Variants in ZNF839 observed in about 807,000 individuals in gnomAD.
The protein encoded by ZNF839 is zinc finger protein 839, also known as renal carcinoma antigen NY-REN-50.
A neutral mutation model predicts 56.4 loss-of-function variants in ZNF839; 38 were observed. The observed-to-expected ratio is 0.67, with a 90% CI of 0.52 to 0.88. The LOEUF is 0.88. ZNF839 is among the 40% of genes least tolerant of loss of function. The pLI is 0.00. For synonymous variants in ZNF839, 486 were observed against 493.5 expected (o/e 0.98, Z 0.20); for missense variants, 1,091 against 1,177.6 (o/e 0.93, Z 1.08).
chr14:102,336,020 A>G (rs2073999094), intron 5 of ZNF839, among the ~76,000 whole-genome samples, 182 bp downstream of exon 5: 1 of 152,204 alleles, frequency 6.6e-6, no homozygotes, highest in African/African-American at 2.4e-5. Context: ...CTCTACTAAA[A>G]ATACAAAAAT....
intron 2 of ZNF839, among the ~76,000 whole-genome samples, chr14:102,329,590 C>T (rs942523981): frequency 1.6e-4 from 25 of 151,580 alleles, no homozygotes; most frequent in African/African-American, 5.3e-4. Context: ...TCGCCATATT[C>T]GCCAGGCTGG....
Position 102,326,824 on chromosome 14 carries a change from G to A in ZNF839, c.1128G>A (p.Ala376=), listed in dbSNP as rs759800898. The A allele has an allele frequency of 1.1e-4, 172 of 1,610,968 alleles. No homozygotes were observed. Among genetic ancestry groups the A allele is most frequent in the Admixed American group, 5.5e-4 (33 of 59,516 alleles). ...SLTSLGLSMP[A]DPCEGGARSC... ...CCTCCCTGGGGCTGTCCATGCCAGCGGATCCATGTGAGGGAGGGGCCCGCT... is the reference window on the plus strand; with the variant it reads ...CCTCCCTGGGGCTGTCCATGCCAGCAGATCCATGTGAGGGAGGGGCCCGCT... Residue 376 remains alanine (A), a synonymous_variant, in exon 2 of 8, where the codon GCG becomes GCA. Transcript: ENST00000442396. This position sits in a 1 kb window ranked among gnomAD's most constrained non-coding sequence, Gnocchi z 4.3.
At position 102,320,015 on chromosome 14, in the gene ZNF839, A is replaced by C. The variant is rs1004218244; in HGVS notation, c.250A>C (p.Thr84Pro). 2.6e-6 allele frequency: 3 copies of C among 1,167,984 alleles called. No individual in the cohort carries two copies. The highest frequency in any genetic ancestry group is 2.1e-6 in the Non-Finnish European group (2 of 948,384). 72.4% of individuals were successfully genotyped at this position (1,167,984 alleles called of 1,614,324 possible). Reference sequence around the variant, plus strand: ...GGCCGCCCTGCAGCGGGGCCGGGGCACCGAGCCCCCGCGCCTGCCGCGCCT... The same window carrying C: ...GGCCGCCCTGCAGCGGGGCCGGGGCCCCGAGCCCCCGCGCCTGCCGCGCCT... The part of the protein sequence containing the change: ...QQAALQRGRG[T>P]EPPRLPRLLP... Residue 84 changes from threonine (T) to proline (P), a missense_variant, in exon 1 of 8, where the codon ACC becomes CCC. Thr to Pro is a conservative substitution (Grantham distance 38, BLOSUM62 -1). This residue lies in a region of ZNF839 where 614 missense variants were observed against 629.2 expected (regional missense o/e 0.98). Transcript: ENST00000442396.
At chr14:102,337,129 CATT>C (rs1885841703) in intron 5 of ZNF839, 1 of 152,012 alleles carries the variant, frequency 6.6e-6, no homozygotes, top group Non-Finnish European at 1.5e-5. Context: ...ATTTCAGTGT[CATT>C]GTTATTATCA....
At chr14:102,336,381 G>A (rs764347222) in intron 5 of ZNF839, among the ~76,000 whole-genome samples, 4 of 151,662 alleles carry the variant, frequency 2.6e-5, no homozygotes, top group African/African-American at 7.3e-5. Flanking sequence ...TGTAACTGCC[G>A]CCTCCCAGGT....
chr14:102,335,558 C>T, intron 4 of ZNF839, 131 bp from the exon 5 acceptor site: 1 of 881,950 alleles, frequency 1.1e-6, no homozygotes, highest in Non-Finnish European at 1.7e-6. Flanking sequence ...TCACTGGGGA[C>T]TGAAGGAAAC....
intron 1 of ZNF839, among the ~76,000 whole-genome samples, chr14:102,321,568 T>C (rs1361405701): frequency 6.6e-6 from 1 of 152,236 alleles, no homozygotes; most frequent in Non-Finnish European, 1.5e-5. Context: ...ATTCTTTTAA[T>C]ACTCTTTCAG....
chr14:102,322,891 GCAGT>G (rs1431813077), intron 1 of ZNF839, among the ~76,000 whole-genome samples: 1 of 152,220 alleles, frequency 6.6e-6, no homozygotes, highest in Non-Finnish European at 1.5e-5. Flanking sequence ...AAGGATATGC[GCAGT>G]CAATCTCGTT....
chr14:102,319,507 C>A, upstream of ZNF839: 1 of 343,378 alleles, frequency 2.9e-6, no homozygotes. This position sits in a 1 kb window ranked among gnomAD's most constrained non-coding sequence, Gnocchi z 4.5. Flanking sequence ...TCCGGGACAG[C>A]TCCCAGAGAA....
rs745645817 is a variant in ZNF839 at position 102,339,144 on chromosome 14, GTCCAACGATACCACTGAA to G, written c.1851_1868del (p.Asn618_Ser623del). ...TGAAAAGGCCCAGAAGAGAAGCCCT[GTCCAACGATACCACTGAA>G]TCTCTTGCTGCCAACAGCAGAGGCC... On this transcript the variant is annotated inframe_deletion, in exon 7 of 8. Coordinates refer to ENST00000442396, the MANE Select transcript of ZNF839 (RefSeq NM_018335.6). 1 of 1,613,486 alleles carries G rather than the reference GTCCAACGATACCACTGAA, an allele frequency of 6.2e-7. No homozygotes were observed. Among genetic ancestry groups the G allele is most frequent in the Non-Finnish European group, 8.5e-7 (1 of 1,179,670 alleles).
chr14:102,329,723 G>GTA (rs981837540), intron 2 of ZNF839, among the ~76,000 whole-genome samples: 9 of 148,182 alleles, frequency 6.1e-5, no homozygotes, highest in African/African-American at 2.3e-4. Flanking sequence ...GTGTGTGTGT[G>GTA]TGTATGTGTG....
In ZNF839 at chr14:102,336,624, T is replaced by C. The variant is rs368929855; in HGVS notation, c.1659+786T>C. 5.5e-5 allele frequency: 24 copies of C among 435,108 alleles called. 1 individual carries two copies. The highest frequency in any genetic ancestry group is 3.5e-4 in the South Asian group (21 of 59,318). 27.0% of individuals were successfully genotyped at this position (435,108 alleles called of 1,614,324 possible). A position where few individuals can be genotyped will look rare whatever the true frequency, so the allele number is the denominator to read the frequency against. On this transcript the variant is annotated intron_variant, in intron 5 of 7. Transcript: ENST00000442396. ...GTTTTTTTTTTCTTAAAGCAATAAA[T>C]GCTCTTCCAGAAAACTCAAAAATGA...
At chr14:102,336,182 A>G (rs2074004654) in intron 5 of ZNF839, among the ~76,000 whole-genome samples, 1 of 151,700 alleles carries the variant, frequency 6.6e-6, no homozygotes, top group Admixed American at 6.6e-5. Flanking sequence ...CTCAAAAAAC[A>G]AAACAAAACC....
At chr14:102,329,465 A>G (rs1018313108) in intron 2 of ZNF839, among the ~76,000 whole-genome samples, 2 of 151,638 alleles carry the variant, frequency 1.3e-5, no homozygotes, top group African/African-American at 2.4e-5. Context: ...GCTCACTGCA[A>G]CCTCTGCCCC....
chr14:102,322,835 G>A (rs749155794), intron 1 of ZNF839, among the ~76,000 whole-genome samples: 4 of 152,202 alleles, frequency 2.6e-5, no homozygotes, highest in Non-Finnish European at 5.9e-5. Context: ...AAAGCACTGC[G>A]ATTACAGGTG....
At position 102,326,591 on chromosome 14, in the gene ZNF839, G is replaced by T. The variant is rs370193621; in HGVS notation, c.895G>T (p.Ala299Ser). 3.8e-5 allele frequency: 61 copies of T among 1,613,688 alleles called. No individual in the cohort carries two copies. Among genetic ancestry groups the T allele is most frequent in the Non-Finnish European group, 4.9e-5 (58 of 1,179,814 alleles). ...EEDEDQRERH[A>S]LFDLSSCSLR... ...AGATGAAGATCAGAGGGAGAGGCACGCACTCTTTGACTTATCGAGCTGCTC... is the reference window on the plus strand; with the variant it reads ...AGATGAAGATCAGAGGGAGAGGCACTCACTCTTTGACTTATCGAGCTGCTC... Residue 299 changes from alanine (A) to serine (S), a missense_variant, in exon 2 of 8, where the codon GCA (alanine) becomes TCA (serine). Ala to Ser is a moderately conservative substitution (Grantham distance 99, BLOSUM62 1). Coordinates refer to ENST00000442396, the MANE Select transcript of ZNF839 (RefSeq NM_018335.6). This position sits in a 1 kb window ranked among gnomAD's most constrained non-coding sequence, Gnocchi z 4.3.
Position 102,319,901 on chromosome 14 carries a change from G to C in ZNF839, c.136G>C (p.Glu46Gln), listed in dbSNP as rs2073027016. The change falls in exon 1 of 8, where the codon GAG (glutamate) becomes CAG (glutamine). Residue 46 changes from glutamate to glutamine, a missense_variant. Coordinates refer to ENST00000442396, the MANE Select transcript of ZNF839 (RefSeq NM_018335.6). This position sits in a 1 kb window ranked among gnomAD's most constrained non-coding sequence, Gnocchi z 4.5. ...LGPEQLRQVL[E>Q]QVTKAQPPPP... ...CCCCGAGCAGCTGCGGCAGGTCCTG[G>C]AGCAGGTGACGAAGGCGCAGCCGCC... The C allele has an allele frequency of 2.0e-5, 26 of 1,272,010 alleles. No individual in the cohort carries two copies. The highest frequency in any genetic ancestry group is 1.3e-4 in the Admixed American group (4 of 31,474). The allele number at this position is 1,272,010 out of a possible 1,614,324, so 78.8% of individuals were successfully genotyped here.
At chr14:102,338,719 T>C in intron 5 of ZNF839, 97 bp from the exon 6 acceptor site, 1 of 1,545,800 alleles carries the variant, frequency 6.5e-7, no homozygotes, top group Middle Eastern at 1.7e-4. Flanking sequence ...TTTGTAGATT[T>C]AATTCTATGA....
chr14:102,328,378 ATATATATATATATAT>A (rs2073567341), intron 2 of ZNF839, among the ~76,000 whole-genome samples: 1,735 of 45,102 alleles, frequency 0.038, 70 homozygotes, highest in East Asian at 0.13. Context: ...AAAAAAAAAT[ATATATATATATATAT>A]ATATATATAT....
Sources: gnomAD v4.1 joint callset for allele counts (sites outside exome capture counted in the v4.1 genomes callset) on GRCh38, gnomAD v4.1.1 for gene constraint, gnomAD v4.1.1 regional missense constraint, Gnocchi (gnomAD v3.1) non-coding constraint, MANE v1.5 for transcripts, NCBI Gene and HGNC (gene_info 2026-07-23, HGNC 2026-07-21) for gene names.